Variants in SLC29A3 observed in about 807,000 individuals in gnomAD.
SLC29A3 encodes solute carrier family 29 member 3, also known as equilibrative nucleoside transporter 3.
Under a neutral mutation model 25.4 loss-of-function variants are expected in SLC29A3, and 18 were observed. The ratio of observed to expected loss-of-function variants is 0.71; its 90% CI spans 0.49 to 1.05. SLC29A3 has a LOEUF of 1.05. SLC29A3 is among the 50% of genes least tolerant of loss of function. The pLI, the probability that SLC29A3 is intolerant of heterozygous loss-of-function variation, is 0.00. For missense variants in SLC29A3, 586 were observed against 609.0 expected (o/e 0.96, Z 0.40); for synonymous variants, 258 against 267.1 (o/e 0.97, Z 0.33).
At chr10:71,374,084 G>A (rs1409517330) in intron 3 of SLC29A3, among the ~76,000 whole-genome samples, 7 of 152,134 alleles carry the variant, frequency 4.6e-5, no homozygotes, top group Non-Finnish European at 1.5e-5. Flanking sequence ...ACTTACATAT[G>A]AAAACACCTG....
intron 4 of SLC29A3, among the ~76,000 whole-genome samples, chr10:71,354,689 G>T (rs955162309): frequency 6.6e-6 from 1 of 152,186 alleles, no homozygotes; most frequent in African/African-American, 2.4e-5. Flanking sequence ...ACCTCTTCAG[G>T]AATGGACATT....
At chr10:71,368,945 G>A (rs1274993327) in intron 3 of SLC29A3, among the ~76,000 whole-genome samples, 2 of 152,218 alleles carry the variant, frequency 1.3e-5, no homozygotes, top group South Asian at 2.1e-4. Context: ...TGCTACAGAT[G>A]AATGTTTGTG....
intron 3 of SLC29A3, among the ~76,000 whole-genome samples, chr10:71,371,300 G>A (rs1847209554): frequency 1.3e-5 from 2 of 152,102 alleles, no homozygotes; most frequent in Admixed American, 1.3e-4. Context: ...TACTGCACTA[G>A]CCCGCCCCAC....
At chr10:71,357,172 T>TGGGAGGCCAA (rs976853488) in intron 5 of SLC29A3, among the ~76,000 whole-genome samples, 1 of 152,106 alleles carries the variant, frequency 6.6e-6, no homozygotes, top group Non-Finnish European at 1.5e-5. Flanking sequence ...CCCAGCACTT[T>TGGGAGGCCAA]GGGAGGCCAA....
rs1374780788 is a variant in SLC29A3, at chr10:71,323,068, T to C, written c.300+14T>C. ...TCAGACATCCTGGTAAGGGCATGTT[T>C]CTCCTGCAAGGCTGGTGGGAGCATA... On this transcript the variant is annotated intron_variant, in intron 2 of 5. Coordinates refer to ENST00000373189, the MANE Select transcript of SLC29A3 (RefSeq NM_018344.6). 1.9e-6 allele frequency: 3 copies of C among 1,612,206 alleles called. No homozygotes were observed. In the Admixed American group the frequency reaches 5.0e-5, roughly 27 times the overall value.
intron 2 of SLC29A3, among the ~76,000 whole-genome samples, chr10:71,333,982 C>T (rs1029465648): frequency 5.3e-5 from 8 of 152,208 alleles, no homozygotes; most frequent in Non-Finnish European, 8.8e-5. Flanking sequence ...GGGGACCTTG[C>T]GAAGGCTTGG....
intron 2 of SLC29A3, among the ~76,000 whole-genome samples, chr10:71,337,259 G>T (rs1391430449): frequency 1.3e-5 from 2 of 152,186 alleles, no homozygotes; most frequent in Non-Finnish European, 2.9e-5. Flanking sequence ...TTGCAGAAAG[G>T]TTACCAGCCC....
At chr10:71,374,858 T>C (rs1360937099) in intron 3 of SLC29A3, among the ~76,000 whole-genome samples, 1 of 152,170 alleles carries the variant, frequency 6.6e-6, no homozygotes, top group Admixed American at 6.5e-5. Context: ...GGTCCAGAAA[T>C]GGGGTCGCTT....
chr10:71,326,863 C>T (rs1226648404), intron 2 of SLC29A3, among the ~76,000 whole-genome samples: 1 of 152,194 alleles, frequency 6.6e-6, no homozygotes, highest in Non-Finnish European at 1.5e-5. Flanking sequence ...GACCTGTCAC[C>T]CCTCGATTCA....
intron 5 of SLC29A3, among the ~76,000 whole-genome samples, chr10:71,358,468 G>A (rs1160852414): frequency 6.6e-6 from 1 of 152,162 alleles, no homozygotes; most frequent in African/African-American, 2.4e-5. Context: ...CGCCCCTTCA[G>A]GGCTGTCATC....
At chr10:71,370,763 G>GT (rs1276421905) in intron 3 of SLC29A3, among the ~76,000 whole-genome samples, 1 of 152,040 alleles carries the variant, frequency 6.6e-6, no homozygotes, top group Non-Finnish European at 1.5e-5. Flanking sequence ...AAGTGCCATT[G>GT]TTTTGCAGTT....
chr10:71,353,242 T>C (rs1846809882), intron 4 of SLC29A3, among the ~76,000 whole-genome samples: 1 of 152,306 alleles, frequency 6.6e-6, no homozygotes, highest in African/African-American at 2.4e-5. Context: ...TGGGAAACAC[T>C]TGGGCCTAAG....
chr10:71,371,126 G>A (rs1219499984), intron 3 of SLC29A3, among the ~76,000 whole-genome samples: 1 of 152,092 alleles, frequency 6.6e-6, no homozygotes, highest in African/African-American at 2.4e-5. Context: ...ATAGATTATT[G>A]TAAAGTGTAG....
At chr10:71,352,159 C>T (rs903276950) in intron 4 of SLC29A3, among the ~76,000 whole-genome samples, 1 of 152,098 alleles carries the variant, frequency 6.6e-6, no homozygotes, top group Non-Finnish European at 1.5e-5. Flanking sequence ...CTATGTGGAC[C>T]TCAAATGGCA....
intron 2 of SLC29A3, among the ~76,000 whole-genome samples, chr10:71,336,794 G>A (rs1306240264): frequency 6.6e-6 from 1 of 152,014 alleles, no homozygotes; most frequent in African/African-American, 2.4e-5. Flanking sequence ...AGGAAGGCGG[G>A]GAAGCTCATT....
chr10:71,362,362 G>C lies in SLC29A3; in HGVS notation c.1182G>C (p.Val394=), dbSNP rs745637613. The part of the protein sequence containing the change: ...LLRTCLIPLF[V]LCNYQPRVHL... Reference sequence around the variant, plus strand: ...GGACCTGCCTCATCCCCCTCTTCGTGCTCTGTAACTACCAGCCCCGCGTCC... The same window carrying C: ...GGACCTGCCTCATCCCCCTCTTCGTCCTCTGTAACTACCAGCCCCGCGTCC... The change falls in exon 6 of 6, where the codon GTG becomes GTC. Residue 394 remains valine, a synonymous_variant. Transcript: ENST00000373189. 1.2e-6 allele frequency: 2 copies of C among 1,614,016 alleles called. No individual in the cohort carries two copies. The highest frequency in any genetic ancestry group is 1.7e-6 in the Non-Finnish European group (2 of 1,180,044).
intron 2 of SLC29A3, among the ~76,000 whole-genome samples, chr10:71,328,800 G>T (rs79171274): frequency 5.4e-4 from 82 of 152,326 alleles, no homozygotes; most frequent in African/African-American, 1.9e-3. Flanking sequence ...TGGGGTTCCT[G>T]CCATAGGGAA....
At chr10:71,371,098 GC>G (rs1176360904) in intron 3 of SLC29A3, among the ~76,000 whole-genome samples, 1 of 152,086 alleles carries the variant, frequency 6.6e-6, no homozygotes, top group African/African-American at 2.4e-5. Context: ...TTCTCTTCTA[GC>G]TATTTTGAAA....
At chr10:71,332,135 T>C (rs924767742) in intron 2 of SLC29A3, among the ~76,000 whole-genome samples, 26 of 148,650 alleles carry the variant, frequency 1.7e-4, no homozygotes, top group African/African-American at 6.3e-4. Context: ...TTCTTCTCTT[T>C]TCTTTTTCTT....
Sources: gnomAD v4.1 joint callset for allele counts (sites outside exome capture counted in the v4.1 genomes callset) on GRCh38, gnomAD v4.1.1 for gene constraint, MANE v1.5 for transcripts, NCBI Gene and HGNC (gene_info 2026-07-23, HGNC 2026-07-21) for gene names.